FRMPD4: variants seen among roughly 807,000 people sequenced by gnomAD.
The protein encoded by FRMPD4 is FERM and PDZ domain-containing protein 4.
A neutral mutation model predicts 94.1 loss-of-function variants in FRMPD4; 22 were observed. The ratio of observed to expected loss-of-function variants is 0.23; its 90% CI spans 0.17 to 0.33. The LOEUF is 0.33. Ranked by LOEUF, FRMPD4 falls within the 10% of genes least tolerant of loss-of-function variation. FRMPD4 has a pLI of 1.00. For synonymous variants in FRMPD4, 631 were observed against 548.6 expected (o/e 1.15, Z -2.10); for missense variants, 1,111 against 1,339.9 (o/e 0.83, Z 2.67).
chrX:12,494,747 T>C (rs753871685), intron 1 of FRMPD4, among the ~76,000 whole-genome samples: 2 of 111,963 alleles, frequency 1.8e-5, no homozygotes, highest in Non-Finnish European at 3.8e-5. Flanking sequence ...GTCTGTACCA[T>C]TCATAGCTGC....
intron 1 of FRMPD4, among the ~76,000 whole-genome samples, chrX:12,169,670 A>G (rs1205897557): frequency 8.9e-6 from 1 of 112,476 alleles, no homozygotes; most frequent in Non-Finnish European, 1.9e-5. Context: ...CATATGGCTC[A>G]TTATAGTAAA....
At chrX:12,535,331 C>A (rs1051618573) in intron 2 of FRMPD4, among the ~76,000 whole-genome samples, 1 of 111,442 alleles carries the variant, frequency 9.0e-6, no homozygotes, top group Non-Finnish European at 1.9e-5. Flanking sequence ...TTATCAGCAG[C>A]GTGAAAATGG....
At chrX:12,669,296 C>T (rs1049597990) in intron 4 of FRMPD4, among the ~76,000 whole-genome samples, 7 of 111,796 alleles carry the variant, frequency 6.3e-5, no homozygotes, top group African/African-American at 2.3e-4. Context: ...GGATTTTCAT[C>T]ATGCCAAAAA....
intron 4 of FRMPD4, among the ~76,000 whole-genome samples, chrX:12,645,797 A>G (rs5978561): frequency 0.096 from 10,760 of 112,046 alleles, 1,063 homozygotes; most frequent in African/African-American, 0.3. Context: ...ACTTAGTTTA[A>G]GAAACAAAAA....
At chrX:12,314,958 A>C (rs1194065318) in intron 1 of FRMPD4, among the ~76,000 whole-genome samples, 1 of 112,471 alleles carries the variant, frequency 8.9e-6, no homozygotes, top group African/African-American at 3.2e-5. Flanking sequence ...AAGAAACATA[A>C]ATGTGCCACA....
At chrX:12,086,358 TTTG>T (rs1028038955) in intron 3 of FRMPD4, among the ~76,000 whole-genome samples, 2 of 112,112 alleles carry the variant, frequency 1.8e-5, no homozygotes, top group East Asian at 5.6e-4. Flanking sequence ...CTGAAACTGT[TTTG>T]TTGTTGTTGT....
chrX:12,651,190 C>G (rs2059592275), intron 4 of FRMPD4, among the ~76,000 whole-genome samples: 2 of 112,295 alleles, frequency 1.8e-5, no homozygotes, highest in Admixed American at 9.4e-5. Context: ...CGCAAATGCT[C>G]CACATCCTAC....
intron 3 of FRMPD4, among the ~76,000 whole-genome samples, chrX:11,993,587 A>G (rs1357821163): frequency 1.8e-5 from 2 of 112,157 alleles, no homozygotes; most frequent in Non-Finnish European, 3.8e-5. Context: ...AAAAACAAAA[A>G]CAGAAACATT....
rs1383776687 is a variant in FRMPD4, at chrX:12,138,714, C to G, written c.-258C>G. 2 of 303,759 alleles carry G rather than the reference C, an allele frequency of 6.6e-6. No individual in the cohort carries two copies. Among genetic ancestry groups the G allele is most frequent in the Non-Finnish European group, 1.1e-5 (2 of 175,386 alleles). 25.0% of individuals were successfully genotyped at this position (303,759 alleles called of 1,213,427 possible). On this transcript the variant is annotated 5_prime_UTR_variant, in exon 1 of 17. Transcript: ENST00000675598. ...CCCGCCTCTTGCGCCCTGCCTGGCT[C>G]CCTCTCCATTGAGTTTTCCTGCCTC...
At chrX:12,076,048 C>A (rs976729884) in intron 3 of FRMPD4, among the ~76,000 whole-genome samples, 1 of 111,503 alleles carries the variant, frequency 9.0e-6, no homozygotes, top group African/African-American at 3.3e-5. Context: ...TGAAACATAG[C>A]CATAAGGAAT....
chrX:12,134,265 T>C (rs1218097423), upstream of FRMPD4, among the ~76,000 whole-genome samples: 1 of 112,437 alleles, frequency 8.9e-6, no homozygotes, highest in Non-Finnish European at 1.9e-5. Flanking sequence ...CATTGCTATC[T>C]GCTATTTTCT....
intron 3 of FRMPD4, among the ~76,000 whole-genome samples, chrX:12,041,489 T>C (rs942031524): frequency 9.7e-6 from 1 of 103,152 alleles, no homozygotes; most frequent in Non-Finnish European, 2.0e-5. Context: ...TATACTTCCT[T>C]TTGCCCTCCA....
At chrX:11,980,644 CATAAT>C (rs1488782088) in intron 3 of FRMPD4, among the ~76,000 whole-genome samples, 2 of 111,461 alleles carry the variant, frequency 1.8e-5, no homozygotes, top group Non-Finnish European at 3.8e-5. Flanking sequence ...TTTAATGAAG[CATAAT>C]ATACATATAG....
chrX:12,151,010 A>T (rs1434933835), intron 1 of FRMPD4, among the ~76,000 whole-genome samples: 1 of 111,756 alleles, frequency 8.9e-6, no homozygotes, highest in Non-Finnish European at 1.9e-5. Context: ...TATATATTTG[A>T]CCCAGAGTTA....
chrX:12,470,788 A>G (rs1415864951), intron 1 of FRMPD4, among the ~76,000 whole-genome samples: 4 of 111,794 alleles, frequency 3.6e-5, no homozygotes, highest in Non-Finnish European at 5.6e-5. Context: ...TGTTAAATGT[A>G]TCTTCTACAT....
intron 2 of FRMPD4, among the ~76,000 whole-genome samples, chrX:12,574,445 G>C (rs999767536): frequency 8.9e-6 from 1 of 112,174 alleles, no homozygotes; most frequent in African/African-American, 3.2e-5. Flanking sequence ...TGTGGAAAGG[G>C]AAGGATCAGA....
At chrX:12,442,759 GT>G (rs1452245324) in intron 1 of FRMPD4, among the ~76,000 whole-genome samples, 1 of 111,593 alleles carries the variant, frequency 9.0e-6, no homozygotes, top group Non-Finnish European at 1.9e-5. Context: ...TGTAAACAAT[GT>G]CCACACAAAA....
intron 4 of FRMPD4, among the ~76,000 whole-genome samples, chrX:12,652,487 C>G (rs2059605248): frequency 8.9e-6 from 1 of 111,808 alleles, no homozygotes; most frequent in Non-Finnish European, 1.9e-5. Flanking sequence ...TTTTAGTGCT[C>G]CAAACAGAAA....
intron 3 of FRMPD4, among the ~76,000 whole-genome samples, chrX:12,048,262 C>A (rs2054796929): frequency 8.9e-6 from 1 of 112,054 alleles, no homozygotes; most frequent in Admixed American, 9.5e-5. Flanking sequence ...TGATGTGGAT[C>A]TCATTTTTTC....
Sources: allele counts gnomAD v4.1 joint callset (sites outside exome capture counted in the v4.1 genomes callset), GRCh38; gene constraint gnomAD v4.1.1; transcripts MANE v1.5; gene names NCBI Gene and HGNC (gene_info 2026-07-23, HGNC 2026-07-21).